EYS: variants seen among roughly 807,000 people sequenced by gnomAD.
The protein encoded by EYS is protein eyes shut homolog.
A neutral mutation model predicts 282.1 loss-of-function variants in EYS; 250 were observed. That is an observed-to-expected ratio of 0.89 (90% CI 0.80 to 0.98). The LOEUF (loss-of-function observed/expected upper bound fraction) is 0.98. Among genes scored for constraint, EYS ranks in the 50% least tolerant of loss-of-function variants. EYS has a pLI of 0.00. For synonymous variants in EYS, 1,355 were observed against 1,282.9 expected (o/e 1.06, Z -1.20); for missense variants, 4,016 against 3,709.0 (o/e 1.08, Z -2.15).
chr6:65,538,077 T>A (rs529012628), intron 2 of EYS, among the ~76,000 whole-genome samples: 1 of 152,234 alleles, frequency 6.6e-6, no homozygotes, highest in East Asian at 1.9e-4. Flanking sequence ...TATAACTTGA[T>A]TAGGTGAGTT....
chr6:65,621,328 G>C (rs1766484442), intron 2 of EYS, among the ~76,000 whole-genome samples: 1 of 151,750 alleles, frequency 6.6e-6, no homozygotes, highest in African/African-American at 2.4e-5. Context: ...TGTCTCTTTT[G>C]ATCTTTGTTG....
chr6:63,814,777 C>A (rs536338028), intron 36 of EYS, among the ~76,000 whole-genome samples: 1 of 152,272 alleles, frequency 6.6e-6, no homozygotes, highest in Admixed American at 6.5e-5. Flanking sequence ...AGGTTCAAAT[C>A]ATAATCATAG....
At chr6:64,310,474 C>A (rs559416508) in intron 29 of EYS, among the ~76,000 whole-genome samples, 1 of 152,022 alleles carries the variant, frequency 6.6e-6, no homozygotes, top group Non-Finnish European at 1.5e-5. Flanking sequence ...GAAACTAATA[C>A]AGAAAAAGAA....
rs190505887 is a variant in EYS at position 64,567,602 on chromosome 6, A to T, written c.5644+22621T>A. On this transcript the variant is annotated intron_variant, in intron 26 of 42. Transcript: ENST00000503581. ...TAGCACAATATGCTTACACCTAAGAAAAATGGAAGTAGAAGAAAAAGCTGT... is the reference window on the plus strand; with the variant it reads ...TAGCACAATATGCTTACACCTAAGATAAATGGAAGTAGAAGAAAAAGCTGT... Among the ~76,000 whole-genome samples, 442 of 152,328 alleles carry T rather than the reference A, an allele frequency of 2.9e-3. 1 individual carries two copies. Among genetic ancestry groups the T allele is most frequent in the African/African-American group, 0.01 (416 of 41,580 alleles).
chr6:64,259,802 C>T (rs1482803188), intron 30 of EYS, among the ~76,000 whole-genome samples: 1 of 151,436 alleles, frequency 6.6e-6, no homozygotes. Flanking sequence ...ACAGTCCCCT[C>T]TTTTGCAGAT....
intron 22 of EYS, among the ~76,000 whole-genome samples, chr6:64,699,315 G>A (rs1186057429): frequency 2.0e-5 from 3 of 152,050 alleles, no homozygotes; most frequent in Non-Finnish European, 1.5e-5. Context: ...AGTCATGGGA[G>A]TCTACTTGAG....
rs116134106 is a variant in EYS, at chr6:64,681,307, G to A, written c.3444-55062C>T. On this transcript the variant is annotated intron_variant, in intron 22 of 42. Transcript: ENST00000503581. Reference sequence around the variant, plus strand: ...TTTATTGTATGACTATTGCTTGAGGGTAATTTCTGGTCCCCCGTGCCCTTT... The same window carrying A: ...TTTATTGTATGACTATTGCTTGAGGATAATTTCTGGTCCCCCGTGCCCTTT... 3.8e-3 allele frequency among the ~76,000 whole-genome samples: 572 copies of A among 152,228 alleles called. 5 individuals carry two copies. Among genetic ancestry groups the A allele is most frequent in the Middle Eastern group, 0.014 (4 of 294 alleles).
At chr6:64,493,183 TA>T (rs1776788719) in intron 26 of EYS, among the ~76,000 whole-genome samples, 1 of 151,434 alleles carries the variant, frequency 6.6e-6, no homozygotes, top group South Asian at 2.1e-4. Context: ...CTTTATTATC[TA>T]ATAATAAACA....
intron 41 of EYS, among the ~76,000 whole-genome samples, chr6:63,760,652 C>A (rs78799068): frequency 3.0e-3 from 23 of 7,646 alleles, no homozygotes; most frequent in African/African-American, 8.1e-3. Flanking sequence ...GTATGTATAT[C>A]TATCTATCTA....
chr6:64,590,700 A>G lies in EYS; in HGVS notation c.5167T>C (p.Leu1723=). The G allele has an allele frequency of 1.3e-6, 2 of 1,551,138 alleles. No homozygotes were observed. The highest frequency in any genetic ancestry group is 1.7e-6 in the Non-Finnish European group (2 of 1,146,590). The change falls in exon 26 of 43, where the codon TTG becomes CTG. Residue 1723 remains leucine, a synonymous_variant. Transcript: ENST00000503581. ...PTEVLNQESL[L]DMEKSKGSHT... ...GATCCTTTACTTTTTTCCATGTCCA[A>G]TAAGCTCTCTTGATTTAGTACCTCA...
At chr6:64,229,159 C>T (rs1229485553) in intron 31 of EYS, among the ~76,000 whole-genome samples, 2 of 152,056 alleles carry the variant, frequency 1.3e-5, no homozygotes, top group Non-Finnish European at 2.9e-5. Flanking sequence ...TCTGTAATCC[C>T]AGCTACTCTG....
At chr6:65,460,998 T>C (rs1318975112) in intron 5 of EYS, among the ~76,000 whole-genome samples, 2 of 152,060 alleles carry the variant, frequency 1.3e-5, no homozygotes, top group East Asian at 3.9e-4. Flanking sequence ...AAATAATAAA[T>C]TACCAAAGAT....
At chr6:65,017,050 T>C (rs561292786) in intron 13 of EYS, among the ~76,000 whole-genome samples, 20 of 152,162 alleles carry the variant, frequency 1.3e-4, no homozygotes, top group Non-Finnish European at 1.8e-4. Flanking sequence ...ATGAATTTTA[T>C]GGGGAGACAT....
chr6:64,586,205 G>T (rs1293931636), intron 26 of EYS, among the ~76,000 whole-genome samples: 1 of 151,956 alleles, frequency 6.6e-6, no homozygotes, highest in Non-Finnish European at 1.5e-5. Flanking sequence ...AGCCCTTTTG[G>T]CATTTCTTCC....
intron 22 of EYS, among the ~76,000 whole-genome samples, chr6:64,792,856 A>ATGTGTGTGTG (rs758915162): frequency 1.4e-5 from 1 of 70,902 alleles, no homozygotes; most frequent in Non-Finnish European, 4.3e-5. Flanking sequence ...CGATCTTGAC[A>ATGTGTGTGTG]CGTGTGTGTG....
intron 8 of EYS, among the ~76,000 whole-genome samples, chr6:65,359,089 A>G (rs1764601041): frequency 6.6e-6 from 1 of 152,084 alleles, no homozygotes; most frequent in South Asian, 2.1e-4. Flanking sequence ...TTGAACCTCA[A>G]TAAGCTTGTG....
chr6:63,943,490 T>C (rs1765302804), intron 35 of EYS, among the ~76,000 whole-genome samples: 1 of 152,226 alleles, frequency 6.6e-6, no homozygotes, highest in Non-Finnish European at 1.5e-5. Context: ...TATATATTTA[T>C]GTGTATAAAC....
intron 12 of EYS, among the ~76,000 whole-genome samples, chr6:65,281,062 G>T (rs1475366895): frequency 2.1e-5 from 3 of 141,464 alleles, no homozygotes; most frequent in African/African-American, 7.6e-5. Context: ...GAAAAGAAAA[G>T]AAATAATAAC....
intron 11 of EYS, among the ~76,000 whole-genome samples, chr6:65,334,618 T>G (rs1216190822): frequency 6.6e-6 from 1 of 151,842 alleles, no homozygotes; most frequent in Non-Finnish European, 1.5e-5. Flanking sequence ...CTAAAGCATA[T>G]GAGTTTTTGT....
Sources: gnomAD v4.1 joint callset for allele counts (sites outside exome capture counted in the v4.1 genomes callset) on GRCh38, gnomAD v4.1.1 for gene constraint, MANE v1.5 for transcripts, NCBI Gene and HGNC (gene_info 2026-07-23, HGNC 2026-07-21) for gene names.